EPB41: variants seen among roughly 807,000 people sequenced by gnomAD.
The protein encoded by EPB41 is protein 4.1.
Under a neutral mutation model 108.0 loss-of-function variants are expected in EPB41, and 65 were observed. That is an observed-to-expected ratio of 0.60 (90% CI 0.49 to 0.74). The LOEUF is 0.74. EPB41 is among the 30% of genes least tolerant of loss of function. The pLI, the probability that EPB41 is intolerant of heterozygous loss-of-function variation, is 0.00. For missense variants in EPB41, 875 were observed against 1,037.0 expected (o/e 0.84, Z 2.15); for synonymous variants, 336 against 358.9 (o/e 0.94, Z 0.72).
chr1:28,938,668 G>A (rs2094151469), intron 1 of EPB41, among the ~76,000 whole-genome samples: 1 of 151,920 alleles, frequency 6.6e-6, no homozygotes, highest in African/African-American at 2.4e-5. Flanking sequence ...GAGTAGCTGG[G>A]ACCATAGGCA....
At chr1:28,968,416 C>G (rs759626541) in intron 1 of EPB41, among the ~76,000 whole-genome samples, 16 of 152,092 alleles carry the variant, frequency 1.1e-4, no homozygotes, top group Non-Finnish European at 2.1e-4. Context: ...TATAATATCC[C>G]CACTCTTCAT....
intron 6 of EPB41, among the ~76,000 whole-genome samples, chr1:29,016,475 C>T (rs898409912): frequency 6.6e-6 from 1 of 151,904 alleles, no homozygotes; most frequent in African/African-American, 2.4e-5. Flanking sequence ...AGGCTTGAGC[C>T]ACTGCACCCG....
intron 1 of EPB41, among the ~76,000 whole-genome samples, chr1:28,956,459 T>A (rs1436012118): frequency 6.6e-6 from 1 of 152,244 alleles, no homozygotes; most frequent in Non-Finnish European, 1.5e-5. Flanking sequence ...TGCTGGCTTA[T>A]TCAGCACATC....
intron 1 of EPB41, among the ~76,000 whole-genome samples, chr1:28,905,570 A>G (rs2091744486): frequency 6.6e-6 from 1 of 151,716 alleles, no homozygotes; most frequent in African/African-American, 2.4e-5. Flanking sequence ...GAAGGTGACC[A>G]TCTGCCAGCC....
chr1:28,959,879 G>A (rs535234766), intron 1 of EPB41, among the ~76,000 whole-genome samples: 3 of 151,206 alleles, frequency 2.0e-5, no homozygotes, highest in South Asian at 2.1e-4. Context: ...TTTTCACCAC[G>A]TTTGCCAAGC....
At chr1:29,085,446 A>T (rs1018481097) in intron 16 of EPB41, among the ~76,000 whole-genome samples, 5 of 152,128 alleles carry the variant, frequency 3.3e-5, no homozygotes, top group Admixed American at 1.3e-4. Context: ...CACCTGGCCA[A>T]AAACCACATT....
At chr1:28,897,910 G>T (rs1351822444) in intron 1 of EPB41, among the ~76,000 whole-genome samples, 1 of 152,142 alleles carries the variant, frequency 6.6e-6, no homozygotes, top group Admixed American at 6.5e-5. Flanking sequence ...AGGACGAACT[G>T]CCATGTGCAG....
At chr1:29,068,082 A>G (rs1328039343) in intron 16 of EPB41, among the ~76,000 whole-genome samples, 1 of 152,198 alleles carries the variant, frequency 6.6e-6, no homozygotes, top group Non-Finnish European at 1.5e-5. Context: ...GTCAAAGCCT[A>G]AATGAACAAT....
At chr1:29,015,506 G>A (rs926454642) in intron 5 of EPB41, among the ~76,000 whole-genome samples, 186 bp from the exon 6 acceptor site, 3 of 151,494 alleles carry the variant, frequency 2.0e-5, no homozygotes, top group Admixed American at 6.6e-5. Flanking sequence ...GTGGTGAGCA[G>A]AGATCACGCT....
intron 17 of EPB41, among the ~76,000 whole-genome samples, chr1:29,102,814 C>T (rs1193879771): frequency 6.6e-6 from 1 of 152,046 alleles, no homozygotes; most frequent in African/African-American, 2.4e-5. Flanking sequence ...CTCTTGTCGC[C>T]CAGGCTGGAA....
chr1:29,068,587 G>C, intron 16 of EPB41: 1 of 439,370 alleles, frequency 2.3e-6, no homozygotes, highest in Non-Finnish European at 3.8e-6. Flanking sequence ...CTTTAATATT[G>C]GGTAATTCTA....
At chr1:29,016,205 C>T (rs529652183) in intron 6 of EPB41, among the ~76,000 whole-genome samples, 184 of 152,106 alleles carry the variant, frequency 1.2e-3, no homozygotes, top group Non-Finnish European at 2.3e-3. Context: ...GACGGAGTCT[C>T]GCTCTTGTCG....
chr1:28,930,584 A>C lies in EPB41; in HGVS notation c.-8+15816A>C, dbSNP rs141624320. On this transcript the variant is annotated intron_variant, in intron 1 of 20. Coordinates refer to ENST00000343067, the MANE Select transcript of EPB41 (RefSeq NM_001376013.1). ...ACTGCAACCTCCGCCTCCCAGGTTT[A>C]AGTGATCCTTCAGCCTCAGACCCCC... is the stretch of plus-strand genomic sequence containing the variant. Among the ~76,000 whole-genome samples the C allele has an allele frequency of 4.8e-3, 735 of 152,030 alleles. 4 individuals are homozygous for C. Among genetic ancestry groups the C allele is most frequent in the African/African-American group, 0.016 (643 of 41,458 alleles).
intron 1 of EPB41, among the ~76,000 whole-genome samples, chr1:28,969,415 A>G (rs968165423): frequency 6.6e-6 from 1 of 151,808 alleles, no homozygotes; most frequent in African/African-American, 2.4e-5. Flanking sequence ...ATGTTTTTAG[A>G]ATTTATTTGT....
Position 29,011,866 on chromosome 1 carries a change from C to G in EPB41, c.788C>G (p.Thr263Arg). ...LAIWDNATSK[T>R]WLDSAKEIKK... ...GAATGCCTTTTCTCCTTTTTACAGA[C>G]ATGGCTGGATTCCGCCAAAGAAATA... The change falls in exon 5 of 21, where the codon ACA becomes AGA. Residue 263 changes from threonine (T) to arginine (R), a missense_variant and splice_region_variant. This residue lies in a region of EPB41 where 353 missense variants were observed against 393.2 expected (regional missense o/e 0.90). Transcript: ENST00000343067. 3 of 1,614,092 alleles carry G rather than the reference C, an allele frequency of 1.9e-6. No homozygotes were observed. The highest frequency in any genetic ancestry group is 4.5e-5 in the East Asian group (2 of 44,862).
At position 29,070,301 on chromosome 1, in the gene EPB41, A is replaced by T. The variant is rs1650720017; in HGVS notation, c.2184+5143A>T. The T allele has an allele frequency of 2.6e-6, 3 of 1,152,494 alleles. No homozygotes were observed. In the Admixed American group the frequency reaches 1.3e-4, roughly 49 times the overall value. The allele number at this position is 1,152,494 out of a possible 1,614,324, so 71.4% of individuals were successfully genotyped here. A position where few individuals can be genotyped will look rare whatever the true frequency, so the allele number is the denominator to read the frequency against. The stretch of plus-strand genomic sequence containing the variant: ...ACATCCCCAAGTATCATTTTTGAGC[A>T]TTTTCCATCTGTCATTTTGTTCATC... On this transcript the variant is annotated intron_variant, in intron 16 of 20. Coordinates refer to ENST00000343067, the MANE Select transcript of EPB41 (RefSeq NM_001376013.1).
intron 1 of EPB41, among the ~76,000 whole-genome samples, chr1:28,968,977 C>A (rs1385328687): frequency 1.7e-5 from 1 of 57,898 alleles, no homozygotes; most frequent in Non-Finnish European, 2.8e-5. Context: ...AAACCCCCCA[C>A]CCCCCAAAAA....
At chr1:28,948,905 C>T (rs204056) in intron 1 of EPB41, among the ~76,000 whole-genome samples, 47,623 of 151,936 alleles carry the variant, frequency 0.31, 8,999 homozygotes, top group East Asian at 0.85. Context: ...GCCAAGATCA[C>T]GCCAACTGCA....
intron 1 of EPB41, among the ~76,000 whole-genome samples, chr1:28,934,355 CT>C (rs2093891282): frequency 6.6e-6 from 1 of 152,130 alleles, no homozygotes; most frequent in Non-Finnish European, 1.5e-5. Flanking sequence ...TGTAAAGATA[CT>C]TTCCCCCCTT....
Sources: allele counts gnomAD v4.1 joint callset (sites outside exome capture counted in the v4.1 genomes callset), GRCh38; gene constraint gnomAD v4.1.1; regional missense constraint gnomAD v4.1.1; transcripts MANE v1.5; gene names NCBI Gene and HGNC (gene_info 2026-07-23, HGNC 2026-07-21).